Variants in PRKCB observed in about 807,000 individuals in gnomAD.
PRKCB encodes protein kinase C beta.
In PRKCB, 13 loss-of-function variants were observed where a neutral mutation model predicts 81.5. That is an observed-to-expected ratio of 0.16 (90% CI 0.10 to 0.25). The LOEUF (loss-of-function observed/expected upper bound fraction) is 0.25, where lower values mean the gene tolerates loss of function less well. Ranked by LOEUF, PRKCB falls within the 10% of genes least tolerant of loss-of-function variation. The pLI is 1.00. For missense variants in PRKCB, 509 were observed against 875.7 expected, an observed-to-expected ratio of 0.58 and a Z score of 5.29; for synonymous variants, 335 against 321.4, an observed-to-expected ratio of 1.04 and a Z score of -0.45.
intron 9 of PRKCB, among the ~76,000 whole-genome samples, chr16:24,153,767 C>CA (rs1360275443): frequency 2.0e-5 from 3 of 152,206 alleles, no homozygotes; most frequent in Non-Finnish European, 4.4e-5. Context: ...CCCAAGACAA[C>CA]AGGAGAGGCT....
At chr16:24,089,297 T>C (rs1026200579) in intron 5 of PRKCB, among the ~76,000 whole-genome samples, 3 of 152,070 alleles carry the variant, frequency 2.0e-5, no homozygotes, top group Non-Finnish European at 4.4e-5. Context: ...TCTGTGGGGG[T>C]GGGTGCCAGA....
chr16:23,978,622 C>T (rs973010986), intron 2 of PRKCB, among the ~76,000 whole-genome samples: 1 of 152,166 alleles, frequency 6.6e-6, no homozygotes, highest in African/African-American at 2.4e-5. Context: ...ATGGTTAATG[C>T]CGCCTGGCTG....
intron 5 of PRKCB, among the ~76,000 whole-genome samples, chr16:24,062,770 C>T (rs1965989039): frequency 6.6e-6 from 1 of 151,980 alleles, no homozygotes; most frequent in Non-Finnish European, 1.5e-5. Context: ...CATTACTGGC[C>T]CCTCACTCAG....
intron 2 of PRKCB, among the ~76,000 whole-genome samples, chr16:23,872,082 C>T (rs1962914918): frequency 6.6e-6 from 1 of 152,144 alleles, no homozygotes; most frequent in Non-Finnish European, 1.5e-5. Context: ...GTGGCTTTGC[C>T]ACGGCTCTTC....
chr16:23,998,723 G>GATGACA (rs1191459217), intron 3 of PRKCB, among the ~76,000 whole-genome samples: 2 of 152,212 alleles, frequency 1.3e-5, no homozygotes, highest in African/African-American at 2.4e-5. Context: ...TGATGATGAT[G>GATGACA]ATGACAATGA....
Position 24,216,101 on chromosome 16 carries a change from G to A in PRKCB, c.*1285G>A. ...ACTGAGGAGGGAACTCAGGAGAAAG[G>A]AACTAACTGCGGAGCTTTAATCTTG... On this transcript the variant is annotated 3_prime_UTR_variant, in exon 17 of 17. Transcript: ENST00000643927. 2 of 985,402 alleles carry A rather than the reference G, an allele frequency of 2.0e-6. No individual in the cohort carries two copies. The highest frequency in any genetic ancestry group is 2.4e-6 in the Non-Finnish European group (2 of 829,940). The allele number at this position is 985,402 out of a possible 1,614,324, so 61.0% of individuals were successfully genotyped here. A position where few individuals can be genotyped will look rare whatever the true frequency, so the allele number is the denominator to read the frequency against.
At chr16:24,002,396 G>A (rs1965050167) in intron 3 of PRKCB, among the ~76,000 whole-genome samples, 1 of 152,006 alleles carries the variant, frequency 6.6e-6, no homozygotes, top group Non-Finnish European at 1.5e-5. Context: ...CCAGGCTGGA[G>A]TGCAGTGGTG....
intron 2 of PRKCB, among the ~76,000 whole-genome samples, chr16:23,940,933 G>A (rs935220359): frequency 6.6e-6 from 1 of 152,158 alleles, no homozygotes; most frequent in Non-Finnish European, 1.5e-5. Flanking sequence ...AATAATGCAT[G>A]CAAATAGCTC....
At chr16:24,015,309 A>G (rs1965262228) in intron 3 of PRKCB, among the ~76,000 whole-genome samples, 1 of 152,226 alleles carries the variant, frequency 6.6e-6, no homozygotes, top group Non-Finnish European at 1.5e-5. Flanking sequence ...TAACTCAAGT[A>G]GCTTGCTCGA....
chr16:24,210,469 T>C (rs77670160), intron 16 of PRKCB, among the ~76,000 whole-genome samples: 8,827 of 151,404 alleles, frequency 0.058, 380 homozygotes, highest in East Asian at 0.17. Context: ...GAAAATGGCA[T>C]CACTCTCACT....
chr16:23,936,836 G>A (rs897202279), intron 2 of PRKCB, among the ~76,000 whole-genome samples: 2 of 152,100 alleles, frequency 1.3e-5, no homozygotes, highest in African/African-American at 4.8e-5. Context: ...ATGCCATTAA[G>A]AATAGTGTGG....
chr16:24,090,176 A>C (rs574380126), intron 5 of PRKCB, among the ~76,000 whole-genome samples: 66 of 152,328 alleles, frequency 4.3e-4, no homozygotes, highest in Non-Finnish European at 7.1e-4. Context: ...ATCAAGGTCA[A>C]CATCTTGCTT....
In PRKCB at chr16:24,122,868, T is replaced by G. The variant is rs536413076; in HGVS notation, c.919-967T>G. 5.9e-5 allele frequency among the ~76,000 whole-genome samples: 9 copies of G among 152,246 alleles called. No homozygotes were observed. The South Asian group carries it at 1.9e-3, about 32-fold the overall frequency. On this transcript the variant is annotated intron_variant, in intron 8 of 16. Transcript: ENST00000643927. ...TCATGGCTTCCAGTTTTTGCCTCAT[T>G]CCAAAGCACCTGCTGCCACTCTGAG...
intron 5 of PRKCB, among the ~76,000 whole-genome samples, chr16:24,076,959 C>A (rs964001331): frequency 1.1e-4 from 16 of 152,170 alleles, no homozygotes; most frequent in African/African-American, 3.4e-4. Context: ...TGCTTCTGTG[C>A]CTGCTGGAAA....
At chr16:24,078,380 G>A (rs1246825517) in intron 5 of PRKCB, among the ~76,000 whole-genome samples, 2 of 152,198 alleles carry the variant, frequency 1.3e-5, no homozygotes, top group Non-Finnish European at 2.9e-5. Context: ...AACCTCGTCT[G>A]TCCTTCTTGT....
intron 8 of PRKCB, among the ~76,000 whole-genome samples, chr16:24,121,877 A>C (rs527394908): frequency 6.6e-6 from 1 of 152,352 alleles, no homozygotes; most frequent in African/African-American, 2.4e-5. Context: ...CCATGTCTTG[A>C]AAAGGTGATG....
intron 2 of PRKCB, among the ~76,000 whole-genome samples, chr16:23,853,486 G>C (rs541667959): frequency 2.0e-5 from 3 of 152,192 alleles, no homozygotes; most frequent in African/African-American, 4.8e-5. Flanking sequence ...CCAACGGAAG[G>C]GGGTCCTGGG....
intron 4 of PRKCB, among the ~76,000 whole-genome samples, chr16:24,032,598 G>A (rs927934721): frequency 6.6e-6 from 1 of 152,188 alleles, no homozygotes; most frequent in African/African-American, 2.4e-5. Flanking sequence ...CACATGTCCT[G>A]GAGGATGGCT....
At chr16:24,187,045 C>T (rs1002369595) in intron 15 of PRKCB, among the ~76,000 whole-genome samples, 4 of 152,084 alleles carry the variant, frequency 2.6e-5, no homozygotes, top group African/African-American at 9.7e-5. Context: ...TCCACAGGCC[C>T]CCGTAGACAA....
Sources: allele counts gnomAD v4.1 joint callset (sites outside exome capture counted in the v4.1 genomes callset), GRCh38; gene constraint gnomAD v4.1.1; transcripts MANE v1.5; gene names NCBI Gene and HGNC (gene_info 2026-07-23, HGNC 2026-07-21).